SLC8A2: variants seen among roughly 807,000 people sequenced by gnomAD.
SLC8A2 encodes sodium/calcium exchanger 2.
SLC8A2 carries 14 observed loss-of-function variants against 70.2 expected under a neutral mutation model. The ratio of observed to expected loss-of-function variants is 0.20; its 90% CI spans 0.13 to 0.31. The LOEUF (loss-of-function observed/expected upper bound fraction) is 0.31. SLC8A2 is among the 10% of genes least tolerant of loss of function. The probability of loss-of-function intolerance (pLI) is 1.00; values close to 1 mark genes in which losing one functional copy is unlikely to be tolerated. For synonymous variants in SLC8A2, 575 were observed against 594.3 expected (o/e 0.97, Z 0.47); for missense variants, 779 against 1,320.1 (o/e 0.59, Z 6.35).
chr19:47,450,126 C>CGAAA (rs1166567315), intron 3 of SLC8A2, among the ~76,000 whole-genome samples: 2 of 152,148 alleles, frequency 1.3e-5, no homozygotes, highest in African/African-American at 4.8e-5. Flanking sequence ...TCTTGAAAAT[C>CGAAA]TATCATTTCC....
chr19:47,444,328 C>T (rs573964355), intron 4 of SLC8A2, among the ~76,000 whole-genome samples: 3 of 152,318 alleles, frequency 2.0e-5, no homozygotes, highest in African/African-American at 7.2e-5. Context: ...TCTCAACACA[C>T]AAACACGCAC....
chr19:47,431,720 G>T (rs1966965325), intron 9 of SLC8A2, among the ~76,000 whole-genome samples: 1 of 149,732 alleles, frequency 6.7e-6, no homozygotes, highest in South Asian at 2.1e-4. Flanking sequence ...CACTGGCCTG[G>T]TTTCTGTCAT....
chr19:47,457,749 T>TCTTTCTTTCTTTCTTTC (rs1967328359), intron 2 of SLC8A2, among the ~76,000 whole-genome samples, 155 bp from the exon 3 acceptor site: 1 of 150,746 alleles, frequency 6.6e-6, no homozygotes, highest in South Asian at 2.1e-4. Flanking sequence ...CTGTTTCTTT[T>TCTTTCTTTCTTTCTTTC]CTTTCTTTCT....
chr19:47,447,444 A>G lies in SLC8A2; in HGVS notation c.1763+365T>C, dbSNP rs1163778832. The G allele has an allele frequency of 3.6e-6, 1 of 277,888 alleles. No individual in the cohort carries two copies. The highest frequency in any genetic ancestry group is 6.8e-6 in the Non-Finnish European group (1 of 146,954). 17.2% of individuals were successfully genotyped at this position (277,888 alleles called of 1,614,324 possible). ...GGGCCCTCTTCTCACCTGTCCGGCC[A>G]CCCTTCTAGGCCTCGCCTCTTCATT... is the stretch of plus-strand genomic sequence containing the variant. On this transcript the variant is annotated intron_variant, in intron 4 of 9. Transcript: ENST00000236877. This position sits in a 1 kb window ranked among gnomAD's most constrained non-coding sequence, Gnocchi z 5.1.
intron 3 of SLC8A2, among the ~76,000 whole-genome samples, chr19:47,452,017 T>G (rs73568297): frequency 6.6e-6 from 1 of 152,070 alleles, no homozygotes; most frequent in East Asian, 1.9e-4. Context: ...ACTGGGGAAA[T>G]GGAAACACGG....
chr19:47,430,085 G>C lies in SLC8A2; in HGVS notation c.*4C>G. Reference sequence around the variant, plus strand: ...GCGGTGGGGACGAGTCTCTGCGCGAGGCCCTAGAAGCCCCGGATGTGGCAG... The same window carrying C: ...GCGGTGGGGACGAGTCTCTGCGCGACGCCCTAGAAGCCCCGGATGTGGCAG... On this transcript the variant is annotated 3_prime_UTR_variant, in exon 10 of 10. Coordinates refer to ENST00000236877, the MANE Select transcript of SLC8A2 (RefSeq NM_015063.3). This position sits in a 1 kb window ranked among gnomAD's most constrained non-coding sequence, Gnocchi z 5.9. 2 of 1,578,988 alleles carry C rather than the reference G, an allele frequency of 1.3e-6. No individual in the cohort carries two copies. Among genetic ancestry groups the C allele is most frequent in the Non-Finnish European group, 1.7e-6 (2 of 1,162,064 alleles).
rs548609192 is a variant in SLC8A2 at position 47,448,886 on chromosome 19, C to T, written c.1341-655G>A. Among the ~76,000 whole-genome samples, 4 of 152,278 alleles carry T rather than the reference C, an allele frequency of 2.6e-5. No homozygotes were observed. Among genetic ancestry groups the T allele is most frequent in the African/African-American group, 9.6e-5 (4 of 41,550 alleles). On this transcript the variant is annotated intron_variant, in intron 3 of 9. Coordinates refer to ENST00000236877, the MANE Select transcript of SLC8A2 (RefSeq NM_015063.3). This position sits in a 1 kb window ranked among gnomAD's most constrained non-coding sequence, Gnocchi z 4.8. Reference sequence around the variant, plus strand: ...TCACTCATTCATTCAACAAACACTCCTAAGGGCACCCGTTGTGTGCCTTGT... The same window carrying T: ...TCACTCATTCATTCAACAAACACTCTTAAGGGCACCCGTTGTGTGCCTTGT...
At chr19:47,469,486 C>T (rs1238076380) in intron 1 of SLC8A2, among the ~76,000 whole-genome samples, 1 of 152,130 alleles carries the variant, frequency 6.6e-6, no homozygotes, top group East Asian at 1.9e-4. Context: ...TCAAGAGAGA[C>T]CACAGCCAGG....
chr19:47,440,379 A>C (rs1967085993), intron 6 of SLC8A2, among the ~76,000 whole-genome samples: 1 of 152,064 alleles, frequency 6.6e-6, no homozygotes, highest in Non-Finnish European at 1.5e-5. Context: ...ATTCTCTCTG[A>C]CCTCACTCTC....
chr19:47,430,259 C>A lies in SLC8A2; in HGVS notation c.2596G>T (p.Ala866Ser). 6.2e-7 allele frequency: 1 copy of A among 1,612,280 alleles called. No individual in the cohort carries two copies. Among genetic ancestry groups the A allele is most frequent in the Non-Finnish European group, 8.5e-7 (1 of 1,179,162 alleles). Residue 866 changes from alanine (A) to serine (S), a missense_variant, in exon 10 of 10, where the codon GCC becomes TCC. By Grantham distance (99) the Ala-to-Ser change is moderately conservative. Around this residue, in one of 6 missense-constraint regions of SLC8A2, gnomAD observed 108 missense variants for 269.6 expected, o/e 0.40. Transcript: ENST00000236877. This position sits in a 1 kb window ranked among gnomAD's most constrained non-coding sequence, Gnocchi z 5.9. ...AGCAGCACGGCAATGCCCACGAAGG[C>A]GAAGACGGTGAAGAGCGTGACGGAG... ...AFSVTLFTVF[A>S]FVGIAVLLYR...
At chr19:47,449,136 C>T (rs1967205398) in intron 3 of SLC8A2, among the ~76,000 whole-genome samples, 1 of 152,062 alleles carries the variant, frequency 6.6e-6, no homozygotes, top group African/African-American at 2.4e-5. Flanking sequence ...GAAGAATGAA[C>T]AATAAACAAA....
Position 47,457,177 on chromosome 19 carries a change from C to G in SLC8A2, c.1093G>C (p.Gly365Arg). Residue 365 changes from glycine to arginine, a missense_variant, in exon 3 of 10, where the codon GGG becomes CGG. Physicochemically the swap from Gly to Arg is moderately radical, Grantham distance 125. This residue lies in a region of SLC8A2 where 186 missense variants were observed against 246.6 expected (regional missense o/e 0.75). Coordinates refer to ENST00000236877, the MANE Select transcript of SLC8A2 (RefSeq NM_015063.3). Reference protein sequence around the residue: ...IQATRLMTGAGNVLRRHAADA... With the variant: ...IQATRLMTGARNVLRRHAADA... ...GCCGCGTGTCTGCGCAGCACGTTCC[C>G]GGCGCCGGTCATCAGCCGCGTGGCC... The G allele has an allele frequency of 6.5e-7, 1 of 1,544,378 alleles. No homozygotes were observed. The highest frequency in any genetic ancestry group is 8.7e-7 in the Non-Finnish European group (1 of 1,145,010).
Position 47,447,670 on chromosome 19 carries a change from A to T in SLC8A2, c.1763+139T>A. 7.0e-6 allele frequency: 6 copies of T among 856,278 alleles called. No homozygotes were observed. The highest frequency in any genetic ancestry group is 1.9e-5 in the South Asian group (1 of 51,296). 53.0% of individuals were successfully genotyped at this position (856,278 alleles called of 1,614,324 possible). A position where few individuals can be genotyped will look rare whatever the true frequency, so the allele number is the denominator to read the frequency against. On this transcript the variant is annotated intron_variant, in intron 4 of 9. Coordinates refer to ENST00000236877, the MANE Select transcript of SLC8A2 (RefSeq NM_015063.3). The surrounding 1 kb of genome is among the most constrained non-coding windows in gnomAD (Gnocchi z 5.1). ...GCCCACGTTGCGGGCACGGCCACGCAGGCCCCTCCCCTCCCGAGGCCCAAC... is the reference window on the plus strand; with the variant it reads ...GCCCACGTTGCGGGCACGGCCACGCTGGCCCCTCCCCTCCCGAGGCCCAAC...
intron 3 of SLC8A2, among the ~76,000 whole-genome samples, chr19:47,452,973 C>T (rs1043689221): frequency 6.6e-6 from 1 of 152,138 alleles, no homozygotes; most frequent in Non-Finnish European, 1.5e-5. Context: ...GCAGAGGTTG[C>T]AGTGAGCCGA....
Position 47,466,467 on chromosome 19 carries a change from C to G in SLC8A2, c.-16-48G>C, listed in dbSNP as rs1310667200. The stretch of plus-strand genomic sequence containing the variant: ...CTGGGTGAGGGAAGCAAACCTCTTT[C>G]TGTCATACAAAGGTCAAAGCTCACT... On this transcript the variant is annotated intron_variant, in intron 1 of 9. Transcript: ENST00000236877. This position sits in a 1 kb window ranked among gnomAD's most constrained non-coding sequence, Gnocchi z 6.9. 1.2e-5 allele frequency: 8 copies of G among 664,014 alleles called. No individual in the cohort carries two copies. The highest frequency in any genetic ancestry group is 2.0e-5 in the Non-Finnish European group (8 of 396,994). The allele number at this position is 664,014 out of a possible 1,614,324, so 41.1% of individuals were successfully genotyped here.
In SLC8A2 at chr19:47,448,914, C is replaced by T. The variant is rs1439529980; in HGVS notation, c.1341-683G>A. ...AGGGCACCCGTTGTGTGCCTTGTGC[C>T]GAGTGGTGCTGGGGACACAGCAGTA... On this transcript the variant is annotated intron_variant, in intron 3 of 9. Coordinates refer to ENST00000236877, the MANE Select transcript of SLC8A2 (RefSeq NM_015063.3). This position sits in a 1 kb window ranked among gnomAD's most constrained non-coding sequence, Gnocchi z 4.8. Among the ~76,000 whole-genome samples the T allele has an allele frequency of 6.6e-6, 1 of 152,130 alleles. No homozygotes were observed. Among genetic ancestry groups the T allele is most frequent in the Admixed American group, 6.6e-5 (1 of 15,262 alleles).
chr19:47,435,767 C>T (rs1195167144), intron 8 of SLC8A2, among the ~76,000 whole-genome samples: 18 of 151,996 alleles, frequency 1.2e-4, no homozygotes, highest in African/African-American at 3.6e-4. Context: ...AGGCTGGTCT[C>T]GAACTCCTGA....
Position 47,447,362 on chromosome 19 carries a change from A to C in SLC8A2, c.1763+447T>G, listed in dbSNP as rs1305227015. 6.8e-5 allele frequency: 13 copies of C among 191,538 alleles called. No homozygotes were observed. The highest frequency in any genetic ancestry group is 3.3e-4 in the African/African-American group (12 of 36,860). 11.9% of individuals were successfully genotyped at this position (191,538 alleles called of 1,614,324 possible). On this transcript the variant is annotated intron_variant, in intron 4 of 9. Transcript: ENST00000236877. This position sits in a 1 kb window ranked among gnomAD's most constrained non-coding sequence, Gnocchi z 5.1. The stretch of plus-strand genomic sequence containing the variant: ...CACGAGCTACCAATTAAGGCCCCAC[A>C]CCGCTCTCCCCAGGCCCCGTCCCAT...
Position 47,430,610 on chromosome 19 carries a change from G to T in SLC8A2, c.2390-145C>A. 1.2e-6 allele frequency: 1 copy of T among 862,740 alleles called. No homozygotes were observed. Among genetic ancestry groups the T allele is most frequent in the Non-Finnish European group, 1.7e-6 (1 of 578,056 alleles). 53.4% of individuals were successfully genotyped at this position (862,740 alleles called of 1,614,324 possible). On this transcript the variant is annotated intron_variant, in intron 9 of 9. Coordinates refer to ENST00000236877, the MANE Select transcript of SLC8A2 (RefSeq NM_015063.3). The surrounding 1 kb of genome is among the most constrained non-coding windows in gnomAD (Gnocchi z 5.9). ...AAGACCCCTGACCCCCACCCAAGAG[G>T]CAAAGTCCATCACCACCTTTAGGCC...
Sources: gnomAD v4.1 joint callset for allele counts (sites outside exome capture counted in the v4.1 genomes callset) on GRCh38, gnomAD v4.1.1 for gene constraint, gnomAD v4.1.1 regional missense constraint, Gnocchi (gnomAD v3.1) non-coding constraint, MANE v1.5 for transcripts, NCBI Gene and HGNC (gene_info 2026-07-23, HGNC 2026-07-21) for gene names.